Variants in PDGFRL observed in about 807,000 individuals in gnomAD.
The protein encoded by PDGFRL is platelet-derived growth factor receptor-like protein.
A neutral mutation model predicts 37.2 loss-of-function variants in PDGFRL; 46 were observed. That is an observed-to-expected ratio of 1.24 (90% CI 0.98 to 1.58). The LOEUF (loss-of-function observed/expected upper bound fraction) is 1.58. Among genes scored for constraint, PDGFRL ranks in the 40% most tolerant of loss-of-function variants. The pLI is 0.00. For missense variants in PDGFRL, 692 were observed against 467.6 expected, an observed-to-expected ratio of 1.48 and a Z score of -4.43; for synonymous variants, 251 against 184.3, an observed-to-expected ratio of 1.36 and a Z score of -2.93.
intron 5 of PDGFRL, 107 bp from the exon 6 acceptor site, chr8:17,642,506 C>T: frequency 1.4e-6 from 1 of 704,310 alleles, no homozygotes. Context: ...CTTTTATAAG[C>T]ATGTGCTTTG....
At chr8:17,606,886 G>GTTTTTTGTTTTTTTTTT (rs1804290094) in intron 2 of PDGFRL, among the ~76,000 whole-genome samples, 12 of 138,270 alleles carry the variant, frequency 8.7e-5, no homozygotes, top group African/African-American at 3.4e-4. Context: ...TTCGTTTTTT[G>GTTTTTTGTTTTTTTTTT]TTTTTTTGTT....
At chr8:17,614,332 C>G (rs1022755131) in intron 2 of PDGFRL, among the ~76,000 whole-genome samples, 2 of 152,150 alleles carry the variant, frequency 1.3e-5, no homozygotes, top group African/African-American at 4.8e-5. Context: ...ACCCAGCTGT[C>G]TGTTTCCCAG....
At chr8:17,584,171 A>G (rs1055278128) in intron 1 of PDGFRL, among the ~76,000 whole-genome samples, 4 of 152,138 alleles carry the variant, frequency 2.6e-5, no homozygotes, top group Non-Finnish European at 5.9e-5. Context: ...GTGGCTTAGG[A>G]GAGGAAAATT....
intron 5 of PDGFRL, among the ~76,000 whole-genome samples, chr8:17,640,757 C>T (rs979340587): frequency 6.6e-6 from 1 of 152,030 alleles, no homozygotes; most frequent in African/African-American, 2.4e-5. Context: ...GGTCTTCTGC[C>T]AGGAGGTGGC....
intron 4 of PDGFRL, among the ~76,000 whole-genome samples, chr8:17,629,699 T>C (rs1326826466): frequency 6.6e-6 from 1 of 152,128 alleles, no homozygotes; most frequent in Non-Finnish European, 1.5e-5. Context: ...ACTGGCCAGG[T>C]TCATGGACCC....
At chr8:17,629,955 C>T (rs533488017) in intron 4 of PDGFRL, among the ~76,000 whole-genome samples, 5 of 152,162 alleles carry the variant, frequency 3.3e-5, no homozygotes, top group African/African-American at 4.8e-5. Flanking sequence ...TCAGTACTCA[C>T]TACCCACACC....
intron 1 of PDGFRL, among the ~76,000 whole-genome samples, chr8:17,587,432 T>C (rs1223844907): frequency 6.6e-6 from 1 of 152,172 alleles, no homozygotes; most frequent in East Asian, 1.9e-4. Context: ...TGTTACATGA[T>C]ACACAGAATA....
chr8:17,577,393 T>C (rs1183536529), intron 1 of PDGFRL, 86 bp downstream of exon 1: 2 of 1,180,032 alleles, frequency 1.7e-6, no homozygotes, highest in Non-Finnish European at 2.5e-6. Context: ...CTGCCAGCTC[T>C]TGGTCTAACG....
rs1311930741 is a variant in PDGFRL at position 17,628,509 on chromosome 8, T to G, written c.528T>G (p.Pro176=). The G allele has an allele frequency of 6.2e-7, 1 of 1,613,798 alleles. No homozygotes were observed. The highest frequency in any genetic ancestry group is 8.5e-7 in the Non-Finnish European group (1 of 1,179,788). ...CAGAGAAAGGAGAACTCTTTGTACC[T>G]TCTCCCAGCTACTTCGATGTTGTCT... The part of the protein sequence containing the change: ...FFTEKGELFV[P]SPSYFDVVYL... Residue 176 remains proline, a synonymous_variant, in exon 4 of 6, where the codon CCT becomes CCG. Transcript: ENST00000251630.
chr8:17,616,332 C>T (rs193070031), intron 2 of PDGFRL, among the ~76,000 whole-genome samples: 5 of 152,048 alleles, frequency 3.3e-5, no homozygotes, highest in Admixed American at 3.3e-4. Context: ...GTAGCTGGGA[C>T]TACAGGCATG....
intron 3 of PDGFRL, among the ~76,000 whole-genome samples, chr8:17,621,838 G>GT (rs1804641485): frequency 6.6e-6 from 1 of 151,980 alleles, no homozygotes; most frequent in Non-Finnish European, 1.5e-5. Context: ...TTATTATTTT[G>GT]TTTTTTGATT....
At chr8:17,642,207 G>C (rs749333716) in intron 5 of PDGFRL, among the ~76,000 whole-genome samples, 12 of 152,124 alleles carry the variant, frequency 7.9e-5, no homozygotes, top group Non-Finnish European at 1.5e-4. Flanking sequence ...TCAGGCTACT[G>C]ACTTTCAGTT....
chr8:17,636,753 G>T (rs1048612200), intron 5 of PDGFRL, among the ~76,000 whole-genome samples: 4 of 152,066 alleles, frequency 2.6e-5, no homozygotes, highest in African/African-American at 9.7e-5. Context: ...ATGAGCATGC[G>T]ATGTGTTTCC....
intron 2 of PDGFRL, among the ~76,000 whole-genome samples, chr8:17,610,500 G>A (rs1377822910): frequency 1.3e-5 from 2 of 152,172 alleles, no homozygotes; most frequent in East Asian, 1.9e-4. Context: ...AAAATCTGAA[G>A]TCCAAACCCC....
chr8:17,618,852 A>AG (rs1804579064), intron 2 of PDGFRL, among the ~76,000 whole-genome samples: 1 of 152,090 alleles, frequency 6.6e-6, no homozygotes, highest in Non-Finnish European at 1.5e-5. Flanking sequence ...GGGGTATCCG[A>AG]GGGGTAGAGA....
At chr8:17,580,938 C>G (rs78445948) in intron 1 of PDGFRL, among the ~76,000 whole-genome samples, 5,297 of 138,842 alleles carry the variant, frequency 0.038, 145 homozygotes, top group Middle Eastern at 0.075. Context: ...CCGTGTCTGT[C>G]TTTACATGGC....
chr8:17,633,943 C>A (rs1377814132), intron 4 of PDGFRL, 131 bp from the exon 5 acceptor site: 2 of 912,500 alleles, frequency 2.2e-6, no homozygotes, highest in Non-Finnish European at 3.6e-6. Context: ...TCACACTGTC[C>A]TCGCACTGGT....
upstream of PDGFRL, chr8:17,576,762 TGA>T: frequency 2.4e-6 from 2 of 830,814 alleles, no homozygotes; most frequent in Non-Finnish European, 2.9e-6. Context: ...GTCCTGTGAG[TGA>T]GTGCATGTGG....
At chr8:17,618,093 T>C (rs1804563830) in intron 2 of PDGFRL, among the ~76,000 whole-genome samples, 1 of 152,182 alleles carries the variant, frequency 6.6e-6, no homozygotes, top group South Asian at 2.1e-4. Context: ...GGTTTTGCTC[T>C]GTCGCCTAGG....
Sources: gnomAD v4.1 joint callset for allele counts (sites outside exome capture counted in the v4.1 genomes callset) on GRCh38, gnomAD v4.1.1 for gene constraint, MANE v1.5 for transcripts, NCBI Gene and HGNC (gene_info 2026-07-23, HGNC 2026-07-21) for gene names.